Variants in ZNF423 observed in about 807,000 individuals in gnomAD.
ZNF423 encodes the protein Ebf-associated zinc finger protein.
Under a neutral mutation model 95.8 loss-of-function variants are expected in ZNF423, and 12 were observed. That is an observed-to-expected ratio of 0.13 (90% confidence interval 0.08 to 0.20). The LOEUF is 0.20. Ranked by LOEUF, ZNF423 falls within the 10% of genes least tolerant of loss-of-function variation. ZNF423 has a pLI of 1.00. For missense variants in ZNF423, 1,316 were observed against 1,737.1 expected, an observed-to-expected ratio of 0.76 and a Z score of 4.31; for synonymous variants, 749 against 711.9, an observed-to-expected ratio of 1.05 and a Z score of -0.83.
At chr16:49,518,989 C>T (rs1025435803) in intron 7 of ZNF423, among the ~76,000 whole-genome samples, 11 of 152,252 alleles carry the variant, frequency 7.2e-5, no homozygotes, top group South Asian at 4.1e-4. Context: ...ACATGAGCCC[C>T]GGAGGTTGAG....
intron 2 of ZNF423, among the ~76,000 whole-genome samples, chr16:49,765,341 G>A (rs950468730): frequency 2.6e-5 from 4 of 152,184 alleles, no homozygotes; most frequent in African/African-American, 9.7e-5. Context: ...AAAGGTGAAT[G>A]TACTGTAACG....
At chr16:49,858,719 C>CG (rs747240754), upstream of ZNF423, among the ~76,000 whole-genome samples, 6 of 120,402 alleles carry the variant, frequency 5.0e-5, no homozygotes, top group Non-Finnish European at 9.5e-5. This position sits in a 1 kb window ranked among gnomAD's most constrained non-coding sequence, Gnocchi z 4.3. Flanking sequence ...GAATAGGAGC[C>CG]CCCCCCCCCA....
At position 49,638,919 on chromosome 16, in the gene ZNF423, T is replaced by C; in HGVS notation, c.302-45A>G. ...GGATATTAGAGGCAATTCCCAGGGCTGCCGAGAAACAAGGACAGAGCCAGC... is the reference window on the plus strand; with the variant it reads ...GGATATTAGAGGCAATTCCCAGGGCCGCCGAGAAACAAGGACAGAGCCAGC... On this transcript the variant is annotated intron_variant, in intron 3 of 7. Transcript: ENST00000563137. This position sits in a 1 kb window ranked among gnomAD's most constrained non-coding sequence, Gnocchi z 5.6. The C allele has an allele frequency of 6.5e-7, 1 of 1,548,406 alleles. No homozygotes were observed. The highest frequency in any genetic ancestry group is 2.3e-5 in the East Asian group (1 of 43,796).
At chr16:49,628,660 C>T (rs942542413) in intron 4 of ZNF423, among the ~76,000 whole-genome samples, 24 of 152,210 alleles carry the variant, frequency 1.6e-4, no homozygotes, top group African/African-American at 5.8e-4. Context: ...TTCCTGCCAA[C>T]TCTGGTGTTC....
intron 3 of ZNF423, among the ~76,000 whole-genome samples, chr16:49,662,778 G>C (rs1183671293): frequency 6.6e-6 from 1 of 152,222 alleles, no homozygotes; most frequent in Non-Finnish European, 1.5e-5. Flanking sequence ...AGAATCTAGA[G>C]AGAGAGGATC....
intron 2 of ZNF423, among the ~76,000 whole-genome samples, chr16:49,769,874 C>T (rs562561548): frequency 4.6e-5 from 7 of 152,000 alleles, no homozygotes; most frequent in South Asian, 2.1e-4. Flanking sequence ...CAGTGGGGAA[C>T]GCCTGGGACA....
At chr16:49,664,854 C>T (rs955899431) in intron 3 of ZNF423, among the ~76,000 whole-genome samples, 1 of 152,210 alleles carries the variant, frequency 6.6e-6, no homozygotes, top group Non-Finnish European at 1.5e-5. Flanking sequence ...GCAGCTTGAG[C>T]GAGATCGGGG....
chr16:49,665,873 T>C (rs2030516460), intron 3 of ZNF423, among the ~76,000 whole-genome samples: 1 of 152,160 alleles, frequency 6.6e-6, no homozygotes, highest in Admixed American at 6.5e-5. Flanking sequence ...AGAAAATTAA[T>C]AAATAAATAG....
At chr16:49,842,539 G>A (rs1457981868) in intron 1 of ZNF423, among the ~76,000 whole-genome samples, 2 of 151,818 alleles carry the variant, frequency 1.3e-5, no homozygotes, top group Non-Finnish European at 2.9e-5. Flanking sequence ...TTGAGCCCAA[G>A]AGTTTGAGAC....
chr16:49,792,003 A>AT lies in ZNF423; in HGVS notation c.41-2458_41-2457insA, dbSNP rs1491302730. 2.4e-3 allele frequency among the ~76,000 whole-genome samples: 297 copies of AT among 125,294 alleles called. 2 individuals carry two copies. The highest frequency in any genetic ancestry group is 9.2e-3 in the African/African-American group (282 of 30,502). The allele number at this position is 125,294 out of a possible 152,430, so 82.2% of individuals were successfully genotyped here. A position where few individuals can be genotyped will look rare whatever the true frequency, so the allele number is the denominator to read the frequency against. On this transcript the variant is annotated intron_variant, in intron 1 of 7. Coordinates refer to ENST00000563137, the MANE Select transcript of ZNF423 (RefSeq NM_001379286.1). ...GCACAACAGAACGAGACTCCATCTCAAAAAAAAAAAAAAAAAAAGAAAGAA... is the reference window on the plus strand; with the variant it reads ...GCACAACAGAACGAGACTCCATCTCATAAAAAAAAAAAAAAAAAAGAAAGAA...
intron 5 of ZNF423, among the ~76,000 whole-genome samples, chr16:49,622,269 G>T (rs1972107144): frequency 6.6e-6 from 1 of 152,076 alleles, no homozygotes; most frequent in Non-Finnish European, 1.5e-5. Flanking sequence ...CCCCAAAGTT[G>T]GACCCTGGCC....
At chr16:49,688,901 A>G (rs2031670892) in intron 3 of ZNF423, among the ~76,000 whole-genome samples, 1 of 152,150 alleles carries the variant, frequency 6.6e-6, no homozygotes, top group Non-Finnish European at 1.5e-5. Flanking sequence ...TATCCACTCC[A>G]CGGAAGCTCC....
chr16:49,534,256 T>G (rs901131031), intron 5 of ZNF423, among the ~76,000 whole-genome samples: 1 of 151,826 alleles, frequency 6.6e-6, no homozygotes, highest in Non-Finnish European at 1.5e-5. Flanking sequence ...TTGTTTTTTT[T>G]TTTTTGTTTG....
In ZNF423 at chr16:49,723,484, A is replaced by G. The variant is rs566717729; in HGVS notation, c.301+7287T>C. Among the ~76,000 whole-genome samples, 5 of 152,306 alleles carry G rather than the reference A, an allele frequency of 3.3e-5. No individual in the cohort carries two copies. The East Asian group carries it at 9.7e-4, about 29-fold the overall frequency. ...GTAGGAGTTCCTTACACATTAAGGAAAACATCTTTTGCCTGTGATATGTGT... is the reference window on the plus strand; with the variant it reads ...GTAGGAGTTCCTTACACATTAAGGAGAACATCTTTTGCCTGTGATATGTGT... On this transcript the variant is annotated intron_variant, in intron 3 of 7. Transcript: ENST00000563137.
chr16:49,693,488 T>C (rs1596867474), intron 3 of ZNF423, among the ~76,000 whole-genome samples: 1 of 152,184 alleles, frequency 6.6e-6, no homozygotes, highest in East Asian at 1.9e-4. Flanking sequence ...CTCCATGCTT[T>C]TCAGCCTGGC....
At chr16:49,749,017 G>T (rs940124304) in intron 2 of ZNF423, among the ~76,000 whole-genome samples, 1 of 152,202 alleles carries the variant, frequency 6.6e-6, no homozygotes, top group Non-Finnish European at 1.5e-5. Flanking sequence ...CGGTTTCTAT[G>T]GAGTCCAGGG....
At chr16:49,694,603 C>A (rs902625631) in intron 3 of ZNF423, among the ~76,000 whole-genome samples, 2 of 152,152 alleles carry the variant, frequency 1.3e-5, no homozygotes, top group Non-Finnish European at 2.9e-5. Flanking sequence ...ATTCTTAATA[C>A]CCCCAGACTT....
intron 4 of ZNF423, among the ~76,000 whole-genome samples, chr16:49,630,262 C>T (rs1972453254): frequency 6.6e-6 from 1 of 152,192 alleles, no homozygotes; most frequent in Non-Finnish European, 1.5e-5. Flanking sequence ...CCAGAGTACA[C>T]ATCTCAGGTC....
intron 5 of ZNF423, among the ~76,000 whole-genome samples, chr16:49,564,510 C>T (rs1970124306): frequency 1.3e-5 from 2 of 152,180 alleles, no homozygotes; most frequent in Admixed American, 6.5e-5. Flanking sequence ...ATCCCTTAAA[C>T]ATATGAAATC....
Sources: allele counts gnomAD v4.1 joint callset (sites outside exome capture counted in the v4.1 genomes callset), GRCh38; gene constraint gnomAD v4.1.1; non-coding constraint Gnocchi (gnomAD v3.1); transcripts MANE v1.5; gene names NCBI Gene and HGNC (gene_info 2026-07-23, HGNC 2026-07-21).